The following ANKH variants were observed in gnomAD, a reference collection of about 807,000 sequenced individuals.
The protein encoded by ANKH is ANKH inorganic pyrophosphate transport regulator.
ANKH carries 15 observed loss-of-function variants against 49.0 expected under a neutral mutation model. The observed-to-expected ratio is 0.31, with a 90% CI of 0.20 to 0.47. The LOEUF (loss-of-function observed/expected upper bound fraction) is 0.47. ANKH is among the 20% of genes least tolerant of loss of function. The pLI is 1.00. For missense variants in ANKH, 429 were observed against 652.0 expected (o/e 0.66, Z 3.72); for synonymous variants, 273 against 260.0 (o/e 1.05, Z -0.48).
chr5:14,742,759 C>T (rs1032874657), intron 7 of ANKH, among the ~76,000 whole-genome samples: 1 of 152,232 alleles, frequency 6.6e-6, no homozygotes, highest in Admixed American at 6.5e-5. Context: ...CCAAGAACAC[C>T]TGCTGCACTG....
intron 1 of ANKH, among the ~76,000 whole-genome samples, chr5:14,777,596 T>C (rs1030675281): frequency 1.3e-5 from 2 of 152,210 alleles, no homozygotes; most frequent in African/African-American, 4.8e-5. Context: ...AATATCTTTA[T>C]ACTGTAGTCT....
At chr5:14,746,928 A>T (rs1467652920) in intron 6 of ANKH, among the ~76,000 whole-genome samples, 3 of 152,246 alleles carry the variant, frequency 2.0e-5, no homozygotes, top group African/African-American at 7.2e-5. Context: ...AGAAGCCAAG[A>T]TTTCAACCCA....
At chr5:14,839,768 C>T (rs140552275) in intron 1 of ANKH, among the ~76,000 whole-genome samples, 1 of 152,262 alleles carries the variant, frequency 6.6e-6, no homozygotes, top group East Asian at 1.9e-4. Flanking sequence ...TCTAATTTTG[C>T]ACTGTAAATA....
At chr5:14,836,529 G>GA (rs1389046426) in intron 1 of ANKH, among the ~76,000 whole-genome samples, 13 of 152,156 alleles carry the variant, frequency 8.5e-5, no homozygotes, top group Non-Finnish European at 2.9e-5. Context: ...TTGCTTCAAA[G>GA]AGAATCAAAT....
intron 1 of ANKH, among the ~76,000 whole-genome samples, chr5:14,775,242 A>G (rs1739578477): frequency 6.6e-6 from 1 of 151,690 alleles, no homozygotes; most frequent in South Asian, 2.1e-4. Context: ...ACTTTTATTA[A>G]TTTTTTTGTA....
chr5:14,723,340 G>C (rs1737726716), intron 8 of ANKH, among the ~76,000 whole-genome samples: 1 of 130,938 alleles, frequency 7.6e-6, no homozygotes, highest in African/African-American at 3.0e-5. Flanking sequence ...CTGTAAATCA[G>C]AAGTTATTCT....
At chr5:14,789,336 C>T (rs948874959) in intron 1 of ANKH, among the ~76,000 whole-genome samples, 2 of 152,008 alleles carry the variant, frequency 1.3e-5, no homozygotes, top group Non-Finnish European at 2.9e-5. Context: ...CAAAGTCTGA[C>T]TTTTGAGCTT....
At chr5:14,715,770 C>T (rs565755593) in intron 9 of ANKH, among the ~76,000 whole-genome samples, 2 of 152,202 alleles carry the variant, frequency 1.3e-5, no homozygotes, top group Admixed American at 1.3e-4. Flanking sequence ...AACCATTCTG[C>T]AACCTGCTTT....
At chr5:14,746,985 G>C (rs547971639) in intron 6 of ANKH, among the ~76,000 whole-genome samples, 3 of 152,278 alleles carry the variant, frequency 2.0e-5, no homozygotes, top group African/African-American at 7.2e-5. Flanking sequence ...GAGCCACACA[G>C]AACCCTCTAG....
intron 8 of ANKH, among the ~76,000 whole-genome samples, chr5:14,738,906 T>TA (rs1738268260): frequency 6.6e-6 from 1 of 152,186 alleles, no homozygotes; most frequent in African/African-American, 2.4e-5. Flanking sequence ...GTCTCATAAT[T>TA]AAGGATTAGT....
chr5:14,791,914 A>G (rs897808899), intron 1 of ANKH, among the ~76,000 whole-genome samples: 1 of 152,240 alleles, frequency 6.6e-6, no homozygotes, highest in African/African-American at 2.4e-5. Flanking sequence ...CTACTAGGCA[A>G]GAACCATGGA....
At chr5:14,746,068 A>G in intron 6 of ANKH, 106 bp from the exon 7 acceptor site, 1 of 839,146 alleles carries the variant, frequency 1.2e-6, no homozygotes, top group South Asian at 1.4e-5. Context: ...CACTGAGGAC[A>G]GAGCCCGCTA....
intron 8 of ANKH, among the ~76,000 whole-genome samples, chr5:14,717,757 A>C (rs1379400877): frequency 7.2e-5 from 11 of 152,222 alleles, no homozygotes; most frequent in South Asian, 2.1e-4. Flanking sequence ...AAAGTGTTTT[A>C]GATTCTGAAT....
chr5:14,714,335 G>A lies in ANKH; in HGVS notation c.1142-668C>T, dbSNP rs546078714. Among the ~76,000 whole-genome samples, 35 of 152,352 alleles carry A rather than the reference G, an allele frequency of 2.3e-4. No individual in the cohort carries two copies. The East Asian group carries it at 4.4e-3, about 19-fold the overall frequency. On this transcript the variant is annotated intron_variant, in intron 9 of 11. Transcript: ENST00000284268. ...TGCAGGAGGGCCATGGGTGGACAGC[G>A]GGGAACTGTGGAGAGCACGGGGCTT...
intron 1 of ANKH, among the ~76,000 whole-genome samples, chr5:14,806,165 G>C (rs1160263441): frequency 6.6e-6 from 1 of 152,162 alleles, no homozygotes; most frequent in Admixed American, 6.5e-5. Flanking sequence ...TAAAGGTACA[G>C]ACTGCCTAAT....
intron 1 of ANKH, among the ~76,000 whole-genome samples, chr5:14,842,847 TTC>T (rs1348222002): frequency 6.6e-6 from 1 of 152,186 alleles, no homozygotes; most frequent in Non-Finnish European, 1.5e-5. Flanking sequence ...CTTCCCTTTC[TTC>T]TCTCAGTAAT....
At chr5:14,716,079 A>G (rs1264161424) in intron 9 of ANKH, among the ~76,000 whole-genome samples, 1 of 152,244 alleles carries the variant, frequency 6.6e-6, no homozygotes, top group Non-Finnish European at 1.5e-5. Flanking sequence ...GAATTTCAGT[A>G]CATGAACACA....
In ANKH at chr5:14,745,763, G is replaced by A. The variant is rs981342363; in HGVS notation, c.915+107C>T. ...CCCAACGTCACATTAACCTTACAAA[G>A]GGAAGCAGGACTGAGAAGCAACAAA... On this transcript the variant is annotated intron_variant, in intron 7 of 11. Coordinates refer to ENST00000284268, the MANE Select transcript of ANKH (RefSeq NM_054027.6). The surrounding 1 kb of genome is among the most constrained non-coding windows in gnomAD (Gnocchi z 4.7). 2 of 966,866 alleles carry A rather than the reference G, an allele frequency of 2.1e-6. No individual in the cohort carries two copies. The highest frequency in any genetic ancestry group is 3.3e-6 in the Non-Finnish European group (2 of 603,686). The allele number at this position is 966,866 out of a possible 1,614,324, so 59.9% of individuals were successfully genotyped here.
chr5:14,724,149 C>T (rs1253365038), intron 8 of ANKH, among the ~76,000 whole-genome samples: 1 of 152,136 alleles, frequency 6.6e-6, no homozygotes, highest in Non-Finnish European at 1.5e-5. Flanking sequence ...GAAGCCCCAT[C>T]TCTACTAAAA....
Sources: gnomAD v4.1 joint callset for allele counts (sites outside exome capture counted in the v4.1 genomes callset) on GRCh38, gnomAD v4.1.1 for gene constraint, Gnocchi (gnomAD v3.1) non-coding constraint, MANE v1.5 for transcripts, NCBI Gene and HGNC (gene_info 2026-07-23, HGNC 2026-07-21) for gene names.